The following FGF12 variants were observed in gnomAD, a reference collection of about 807,000 sequenced individuals.
FGF12 encodes the protein fibroblast growth factor 12B.
In FGF12, 14 loss-of-function variants were observed where a neutral mutation model predicts 23.6. The ratio of observed to expected loss-of-function variants is 0.59; its 90% CI spans 0.39 to 0.93. FGF12 has a LOEUF of 0.93. Among genes scored for constraint, FGF12 ranks in the 40% least tolerant of loss-of-function variants. The pLI is 0.00. For missense variants in FGF12, 175 were observed against 217.8 expected (o/e 0.80, Z 1.24); for synonymous variants, 62 against 77.3 (o/e 0.80, Z 1.04).
rs187610784 is a variant in FGF12, at chr3:192,335,506, T to C, written c.125-42A>G. The C allele has an allele frequency of 1.6e-4, 193 of 1,182,618 alleles. 1 individual carries two copies. The East Asian group carries it at 3.9e-3, about 24-fold the overall frequency. 73.3% of individuals were successfully genotyped at this position (1,182,618 alleles called of 1,614,324 possible). ...AAGGGCGGAAAGGATCAGTGACCTT[T>C]TGAATAAATAATCCTTCTTATAATC... On this transcript the variant is annotated intron_variant, in intron 3 of 5. Transcript: ENST00000445105.
chr3:192,647,705 A>ATATATATATGTGTATATACATATGTG (rs1716059675), intron 2 of FGF12, among the ~76,000 whole-genome samples: 2 of 145,280 alleles, frequency 1.4e-5, no homozygotes, highest in African/African-American at 5.3e-5. Context: ...ATATATGTGT[A>ATATATATATGTGTATATACATATGTG]TATATACATA....
intron 2 of FGF12, among the ~76,000 whole-genome samples, chr3:192,687,190 G>A (rs1264205525): frequency 6.7e-6 from 1 of 149,244 alleles, no homozygotes; most frequent in Non-Finnish European, 1.5e-5. Context: ...AGAATCTCTA[G>A]ATGAGACAAA....
chr3:192,451,733 A>G (rs1031283152), intron 2 of FGF12, among the ~76,000 whole-genome samples: 7 of 152,194 alleles, frequency 4.6e-5, no homozygotes, highest in Non-Finnish European at 2.9e-5. Flanking sequence ...AGATTCACCT[A>G]TGTAGTAATG....
chr3:192,168,606 A>G (rs1715361644), intron 5 of FGF12, among the ~76,000 whole-genome samples: 2 of 152,204 alleles, frequency 1.3e-5, no homozygotes, highest in Non-Finnish European at 2.9e-5. Context: ...CACACCTCTA[A>G]GAATATCATA....
At chr3:192,560,976 A>T (rs2108594145) in intron 2 of FGF12, among the ~76,000 whole-genome samples, 1 of 152,332 alleles carries the variant, frequency 6.6e-6, no homozygotes, top group East Asian at 1.9e-4. Context: ...CACAAAAAGG[A>T]ATAAAGTATT....
intron 2 of FGF12, among the ~76,000 whole-genome samples, chr3:192,486,870 A>G (rs1174168864): frequency 2.6e-5 from 4 of 152,314 alleles, no homozygotes; most frequent in African/African-American, 9.6e-5. Context: ...CTGTCTTAAA[A>G]GGAACTAGAG....
intron 4 of FGF12, among the ~76,000 whole-genome samples, chr3:192,225,226 A>G (rs1718672287): frequency 6.6e-6 from 1 of 152,100 alleles, no homozygotes; most frequent in Non-Finnish European, 1.5e-5. Flanking sequence ...CTTCAATCTC[A>G]AAACCTCAGT....
chr3:192,471,980 A>G (rs927210689), intron 2 of FGF12, among the ~76,000 whole-genome samples: 2 of 152,132 alleles, frequency 1.3e-5, no homozygotes, highest in Non-Finnish European at 2.9e-5. Context: ...AAACAAAAAA[A>G]GCCTATAGAT....
intron 2 of FGF12, among the ~76,000 whole-genome samples, chr3:192,427,967 G>A (rs1721744874): frequency 6.6e-6 from 1 of 152,188 alleles, no homozygotes; most frequent in African/African-American, 2.4e-5. Flanking sequence ...CACATAACCT[G>A]CCACTGAGAA....
At chr3:192,474,576 A>G (rs536950394) in intron 2 of FGF12, among the ~76,000 whole-genome samples, 1 of 152,300 alleles carries the variant, frequency 6.6e-6, no homozygotes, top group South Asian at 2.1e-4. Flanking sequence ...AACTGCAGCC[A>G]TGCCCAAAAG....
chr3:192,169,538 C>T (rs944758218), intron 5 of FGF12, among the ~76,000 whole-genome samples: 1 of 152,068 alleles, frequency 6.6e-6, no homozygotes, highest in Non-Finnish European at 1.5e-5. Flanking sequence ...ATGCACCAGG[C>T]ATTGTGTACA....
chr3:192,539,229 C>T (rs1302130508), intron 2 of FGF12, among the ~76,000 whole-genome samples: 1 of 152,096 alleles, frequency 6.6e-6, no homozygotes, highest in East Asian at 1.9e-4. Context: ...ATTTTAGAAA[C>T]AATGCTCTCC....
chr3:192,569,659 G>A (rs13063646), intron 2 of FGF12, among the ~76,000 whole-genome samples: 53,404 of 152,042 alleles, frequency 0.35, 9,679 homozygotes, highest in South Asian at 0.51. Context: ...CTCATTTTAC[G>A]GAAGAGGAAA....
chr3:192,265,798 C>T (rs904537810), intron 4 of FGF12, among the ~76,000 whole-genome samples: 1 of 151,990 alleles, frequency 6.6e-6, no homozygotes, highest in African/African-American at 2.4e-5. Flanking sequence ...TACTATCTGG[C>T]TCTTTAAGCA....
chr3:192,287,270 C>T (rs1202417215), intron 4 of FGF12, among the ~76,000 whole-genome samples: 1 of 152,016 alleles, frequency 6.6e-6, no homozygotes, highest in Non-Finnish European at 1.5e-5. Flanking sequence ...TAACAATTCA[C>T]TGCTGGATAT....
chr3:192,258,055 G>A (rs546246441), intron 4 of FGF12, among the ~76,000 whole-genome samples: 1 of 149,900 alleles, frequency 6.7e-6, no homozygotes, highest in Admixed American at 6.7e-5. Context: ...GAACAGAAAT[G>A]TTACAAAGTA....
intron 4 of FGF12, among the ~76,000 whole-genome samples, chr3:192,286,468 A>G (rs987505269): frequency 6.6e-6 from 1 of 152,038 alleles, no homozygotes; most frequent in African/African-American, 2.4e-5. Context: ...GTTGCTTAGA[A>G]TGATCTGCAA....
At chr3:192,724,462 T>C (rs1010492315) in intron 2 of FGF12, among the ~76,000 whole-genome samples, 8 of 152,204 alleles carry the variant, frequency 5.3e-5, no homozygotes, top group African/African-American at 1.9e-4. Context: ...GTGATTCTAG[T>C]GTGCAGCAAA....
At chr3:192,557,750 T>C (rs549484303) in intron 2 of FGF12, among the ~76,000 whole-genome samples, 65 of 151,994 alleles carry the variant, frequency 4.3e-4, no homozygotes, top group Admixed American at 2.6e-3. Flanking sequence ...TCCTGAGATG[T>C]GATGATAGTT....
Sources: gnomAD v4.1 joint callset for allele counts (sites outside exome capture counted in the v4.1 genomes callset) on GRCh38, gnomAD v4.1.1 for gene constraint, MANE v1.5 for transcripts, NCBI Gene and HGNC (gene_info 2026-07-23, HGNC 2026-07-21) for gene names.